The following CDH23 variants were observed in gnomAD, a reference collection of about 807,000 sequenced individuals.
The protein encoded by CDH23 is cadherin related 23, also known as cadherin-23.
In CDH23, 189 loss-of-function variants were observed where a neutral mutation model predicts 317.1. That is an observed-to-expected ratio of 0.60 (90% CI 0.53 to 0.67). The LOEUF (loss-of-function observed/expected upper bound fraction) is 0.67, where lower values mean the gene tolerates loss of function less well. Among genes scored for constraint, CDH23 ranks in the 30% least tolerant of loss-of-function variants. The probability of loss-of-function intolerance (pLI) is 0.00; values close to 1 mark genes in which losing one functional copy is unlikely to be tolerated. For synonymous variants in CDH23, 1,839 were observed against 1,876.8 expected (o/e 0.98, Z 0.52); for missense variants, 4,401 against 4,592.4 (o/e 0.96, Z 1.20).
intron 25 of CDH23, among the ~76,000 whole-genome samples, chr10:71,705,408 C>T (rs560039177): frequency 2.0e-5 from 3 of 152,174 alleles, no homozygotes; most frequent in Admixed American, 6.5e-5. Flanking sequence ...AGCCTCTGAT[C>T]GTGGCAACAG....
intron 6 of CDH23, among the ~76,000 whole-genome samples, chr10:71,542,671 G>A (rs533007085): frequency 6.6e-6 from 1 of 152,346 alleles, no homozygotes; most frequent in Admixed American, 6.5e-5. Flanking sequence ...CCTGGCTGCT[G>A]ATACCTGGCG....
At chr10:71,653,800 A>G (rs1695776510) in intron 14 of CDH23, among the ~76,000 whole-genome samples, 1 of 152,160 alleles carries the variant, frequency 6.6e-6, no homozygotes. Flanking sequence ...TGTGCTGTAG[A>G]GAGAATAATA....
At chr10:71,579,461 A>G (rs1858474350) in intron 9 of CDH23, among the ~76,000 whole-genome samples, 1 of 152,214 alleles carries the variant, frequency 6.6e-6, no homozygotes, top group Non-Finnish European at 1.5e-5. Flanking sequence ...TACTTGCAAA[A>G]TGAATGAATG....
chr10:71,581,106 G>A (rs1858597015), intron 9 of CDH23, among the ~76,000 whole-genome samples: 1 of 152,238 alleles, frequency 6.6e-6, no homozygotes, highest in Non-Finnish European at 1.5e-5. Flanking sequence ...CCTCTCCTGG[G>A]TGGCCTGGCC....
Position 71,812,357 on chromosome 10 carries a change from C to A in CDH23, c.9381-123C>A, listed in dbSNP as rs775172553. The A allele has an allele frequency of 1.4e-5, 22 of 1,600,194 alleles. No individual in the cohort carries two copies. In the Admixed American group the frequency reaches 2.8e-4, roughly 21 times the overall value. Reference sequence around the variant, plus strand: ...GCACCACAGGCACCAGGGCCTCACACCCCAAGTCAGTGAAAGGCACTATAT... The same window carrying A: ...GCACCACAGGCACCAGGGCCTCACAACCCAAGTCAGTGAAAGGCACTATAT... On this transcript the variant is annotated intron_variant, in intron 66 of 69. Coordinates refer to ENST00000224721, the MANE Select transcript of CDH23 (RefSeq NM_022124.6).
chr10:71,804,038 CCAA>C (rs1349475268), intron 55 of CDH23, among the ~76,000 whole-genome samples: 1 of 150,536 alleles, frequency 6.6e-6, no homozygotes, highest in Non-Finnish European at 1.5e-5. Flanking sequence ...GCTTATCAGC[CCAA>C]CGACTTTGAG....
At chr10:71,561,639 G>A (rs1435476559) in intron 6 of CDH23, among the ~76,000 whole-genome samples, 1 of 152,230 alleles carries the variant, frequency 6.6e-6, no homozygotes, top group Non-Finnish European at 1.5e-5. Flanking sequence ...TCCATCAGAA[G>A]TGATATGGAG....
chr10:71,640,999 C>T (rs958949437), intron 11 of CDH23, among the ~76,000 whole-genome samples: 2 of 152,118 alleles, frequency 1.3e-5, no homozygotes, highest in Non-Finnish European at 1.5e-5. Context: ...TGCTTCCACC[C>T]CCTCCCTCAG....
At chr10:71,645,139 A>T (rs1040825041) in intron 12 of CDH23, among the ~76,000 whole-genome samples, 2 of 152,190 alleles carry the variant, frequency 1.3e-5, no homozygotes, top group African/African-American at 2.4e-5. Context: ...AACTTGAGTG[A>T]GGCACCCACC....
chr10:71,467,883 T>A (rs1211083455), intron 3 of CDH23, among the ~76,000 whole-genome samples: 1 of 152,148 alleles, frequency 6.6e-6, no homozygotes, highest in Non-Finnish European at 1.5e-5. Flanking sequence ...GTCCCATGAC[T>A]CCCGGCCAGT....
intron 1 of CDH23, among the ~76,000 whole-genome samples, chr10:71,428,774 G>C (rs1311670235): frequency 6.6e-6 from 1 of 152,008 alleles, no homozygotes; most frequent in Non-Finnish European, 1.5e-5. Flanking sequence ...ATTTTTAGTA[G>C]AGACGGGTTT....
intron 3 of CDH23, among the ~76,000 whole-genome samples, chr10:71,482,580 T>A (rs868806399): frequency 7.9e-5 from 12 of 152,160 alleles, no homozygotes; most frequent in South Asian, 2.1e-4. Flanking sequence ...TTGGTGGGGG[T>A]GTGCCAGTGC....
At position 71,400,381 on chromosome 10, in the gene CDH23, A is replaced by T. The variant is rs149348965; in HGVS notation, c.-6+3063A>T. Among the ~76,000 whole-genome samples the T allele has an allele frequency of 4.4e-3, 668 of 151,646 alleles. 4 individuals carry two copies. The highest frequency in any genetic ancestry group is 0.015 in the African/African-American group (610 of 40,962). On this transcript the variant is annotated intron_variant, in intron 1 of 69. Coordinates refer to ENST00000224721, the MANE Select transcript of CDH23 (RefSeq NM_022124.6). ...CTAAGCTAGCCTCTTTCCCAGAGAG[A>T]GGGCAGCTCTGCCAGGGGACAAGGT...
rs1443945001 is a variant in CDH23, at chr10:71,803,903, T to G, written c.7872+483T>G. Among the ~76,000 whole-genome samples the G allele has an allele frequency of 2.7e-5, 4 of 149,088 alleles. No homozygotes were observed. The East Asian group carries it at 7.9e-4, about 29-fold the overall frequency. On this transcript the variant is annotated intron_variant, in intron 55 of 69. Coordinates refer to ENST00000224721, the MANE Select transcript of CDH23 (RefSeq NM_022124.6). ...GGGAGGCTGACGCAGGATAATCGCT[T>G]GAACCCGGGAGACGGAGGTTGCAGT...
intron 3 of CDH23, among the ~76,000 whole-genome samples, chr10:71,447,372 C>T (rs1850220676): frequency 6.6e-6 from 1 of 152,184 alleles, no homozygotes; most frequent in South Asian, 2.1e-4. Flanking sequence ...ACGATCTCTG[C>T]TCCAGTGGGG....
Position 71,520,193 on chromosome 10 carries a change from T to TCC in CDH23, c.429+8984_429+8985dup, listed in dbSNP as rs1164461102. On this transcript the variant is annotated intron_variant, in intron 6 of 69. Coordinates refer to ENST00000224721, the MANE Select transcript of CDH23 (RefSeq NM_022124.6). ...CCGAGGAGCTCGACAGATGGACTCA[T>TCC]CCCCGTGGACTGATTGGCTGAAGTC... is the stretch of plus-strand genomic sequence containing the variant. Among the ~76,000 whole-genome samples, 4 of 152,276 alleles carry TCC rather than the reference T, an allele frequency of 2.6e-5. No homozygotes were observed. The South Asian group carries it at 8.3e-4, about 32-fold the overall frequency.
At chr10:71,758,803 G>A (rs758412317) in intron 38 of CDH23, among the ~76,000 whole-genome samples, 4 of 152,206 alleles carry the variant, frequency 2.6e-5, no homozygotes, top group Non-Finnish European at 4.4e-5. Flanking sequence ...AAGGTGGGAA[G>A]ATCAATTGAG....
chr10:71,481,193 G>T (rs554915107), intron 3 of CDH23, among the ~76,000 whole-genome samples: 16 of 152,266 alleles, frequency 1.1e-4, no homozygotes, highest in African/African-American at 3.8e-4. Flanking sequence ...GGGTGCACTG[G>T]CTTATCCTGG....
chr10:71,811,411 G>A lies in CDH23; in HGVS notation c.9174G>A (p.Leu3058=), dbSNP rs1841919791. The change falls in exon 63 of 70, where the codon CTG becomes CTA. Residue 3058 remains leucine, a synonymous_variant. Transcript: ENST00000224721. ...TGCAGCCTGCCATCTCTGTCCGGCT[G>A]CCGGATGACATGTCTGCCCTGCAGG... ...LDVQPAISVR[L]PDDMSALQMA... The A allele has an allele frequency of 3.1e-6, 5 of 1,613,984 alleles. No homozygotes were observed. Among genetic ancestry groups the A allele is most frequent in the African/African-American group, 1.3e-5 (1 of 75,040 alleles).
Sources: allele counts gnomAD v4.1 joint callset (sites outside exome capture counted in the v4.1 genomes callset), GRCh38; gene constraint gnomAD v4.1.1; transcripts MANE v1.5; gene names NCBI Gene and HGNC (gene_info 2026-07-23, HGNC 2026-07-21).